The following RNGTT variants were observed in gnomAD, a reference collection of about 807,000 sequenced individuals.
RNGTT encodes mRNA-capping enzyme.
Under a neutral mutation model 79.3 loss-of-function variants are expected in RNGTT, and 33 were observed. The observed-to-expected ratio is 0.42, with a 90% CI of 0.32 to 0.56. The LOEUF is 0.56. RNGTT is among the 20% of genes least tolerant of loss of function. The pLI is 0.17. For missense variants in RNGTT, 497 were observed against 739.1 expected (o/e 0.67, Z 3.80); for synonymous variants, 222 against 235.9 (o/e 0.94, Z 0.54).
intron 1 of RNGTT, among the ~76,000 whole-genome samples, chr6:88,945,641 C>T (rs973085349): frequency 6.6e-6 from 1 of 152,126 alleles, no homozygotes; most frequent in African/African-American, 2.4e-5. Flanking sequence ...TTATCTATTG[C>T]CATGGTAGAA....
At chr6:88,882,645 T>C (rs1340182794) in intron 8 of RNGTT, among the ~76,000 whole-genome samples, 1 of 152,240 alleles carries the variant, frequency 6.6e-6, no homozygotes, top group Non-Finnish European at 1.5e-5. Context: ...AGTGCAACAG[T>C]ACTGAGAGAT....
At chr6:88,849,587 AAGAG>A (rs1352123931) in intron 10 of RNGTT, among the ~76,000 whole-genome samples, 164 bp downstream of exon 10, 2 of 152,066 alleles carry the variant, frequency 1.3e-5, no homozygotes, top group Admixed American at 6.5e-5. Context: ...AATTAACAAT[AAGAG>A]AAAGAAAAGG....
At chr6:88,849,305 GA>G (rs972447491) in intron 10 of RNGTT, among the ~76,000 whole-genome samples, 2 of 151,826 alleles carry the variant, frequency 1.3e-5, no homozygotes, top group Admixed American at 6.6e-5. Flanking sequence ...AAAATGTCCA[GA>G]AAAAAATGTC....
At chr6:88,929,993 T>C (rs1784447925) in intron 2 of RNGTT, among the ~76,000 whole-genome samples, 1 of 146,692 alleles carries the variant, frequency 6.8e-6, no homozygotes, top group African/African-American at 2.5e-5. Context: ...CATATACATG[T>C]ATACATATAT....
At chr6:88,776,370 A>G (rs1582447776) in intron 12 of RNGTT, among the ~76,000 whole-genome samples, 2 of 144,858 alleles carry the variant, frequency 1.4e-5, no homozygotes, top group African/African-American at 5.2e-5. Flanking sequence ...CCCAGGCTGG[A>G]GTGCAGTGGC....
At chr6:88,830,760 C>T (rs1780833899) in intron 11 of RNGTT, among the ~76,000 whole-genome samples, 1 of 152,122 alleles carries the variant, frequency 6.6e-6, no homozygotes, top group Non-Finnish European at 1.5e-5. Context: ...GGAGATATCA[C>T]CACCAATCCC....
chr6:88,929,010 A>C lies in RNGTT; in HGVS notation c.342T>G (p.Asn114Lys). 2 of 1,612,186 alleles carry C rather than the reference A, an allele frequency of 1.2e-6. No homozygotes were observed. The highest frequency in any genetic ancestry group is 1.7e-6 in the Non-Finnish European group (2 of 1,179,062). Residue 114 changes from asparagine to lysine, a missense_variant, in exon 4 of 16, where the codon AAT becomes AAG. Asn to Lys is a moderately conservative substitution (Grantham distance 94). Transcript: ENST00000369485. Reference protein sequence around the residue: ...ETFIRLCERFNERNPPELIGV... With the variant: ...ETFIRLCERFKERNPPELIGV... Reference sequence around the variant, plus strand: ...CTATAAGTTCAGGTGGATTTCTTTCATTAAACCGCTCACACAGACGAATAA... The same window carrying C: ...CTATAAGTTCAGGTGGATTTCTTTCCTTAAACCGCTCACACAGACGAATAA...
At chr6:88,867,503 G>A (rs1782213506) in intron 8 of RNGTT, among the ~76,000 whole-genome samples, 1 of 151,948 alleles carries the variant, frequency 6.6e-6, no homozygotes, top group Non-Finnish European at 1.5e-5. Context: ...AAGAGAGAGA[G>A]AGAATGAAAA....
chr6:88,790,190 G>A (rs1562254116), intron 12 of RNGTT, among the ~76,000 whole-genome samples: 1 of 152,160 alleles, frequency 6.6e-6, no homozygotes, highest in East Asian at 1.9e-4. Context: ...ATGCAAAGAA[G>A]GACGCCAATG....
chr6:88,904,890 A>C lies in RNGTT; in HGVS notation c.509T>G (p.Leu170Trp). The change falls in exon 6 of 16, where the codon TTG becomes TGG. Residue 170 changes from leucine to tryptophan, a missense_variant. By Grantham distance (61) the Leu-to-Trp change is moderately conservative. Around this residue, in one of 3 missense-constraint regions of RNGTT, gnomAD observed 440 missense variants for 671.5 expected, o/e 0.66. Coordinates refer to ENST00000369485, the MANE Select transcript of RNGTT (RefSeq NM_003800.5). ...RPPGIYKGDY[L>W]KELFRRYGDI... is the part of the protein sequence containing the mutation. ...ACCATACCGACGAAAAAGTTCCTTC[A>C]AATAATCACCCTTGTAGATTCCTGG... 2 of 1,614,108 alleles carry C rather than the reference A, an allele frequency of 1.2e-6. No individual in the cohort carries two copies. Among genetic ancestry groups the C allele is most frequent in the Non-Finnish European group, 1.7e-6 (2 of 1,180,024 alleles).
intron 2 of RNGTT, among the ~76,000 whole-genome samples, chr6:88,931,663 G>A (rs1374474713): frequency 3.3e-5 from 5 of 152,144 alleles, no homozygotes; most frequent in Non-Finnish European, 7.3e-5. Flanking sequence ...AGTAACCAAT[G>A]AAGAACAGTA....
intron 13 of RNGTT, among the ~76,000 whole-genome samples, chr6:88,708,142 A>T (rs757194082): frequency 1.3e-5 from 2 of 152,050 alleles, no homozygotes; most frequent in Admixed American, 6.6e-5. Context: ...GGCTGAAAAG[A>T]TTAGATTTTC....
At chr6:88,880,559 A>T (rs1422075911) in intron 8 of RNGTT, among the ~76,000 whole-genome samples, 1 of 152,194 alleles carries the variant, frequency 6.6e-6, no homozygotes, top group African/African-American at 2.4e-5. Flanking sequence ...TTGCAACCAT[A>T]GCACCAGCCC....
intron 13 of RNGTT, among the ~76,000 whole-genome samples, chr6:88,738,884 GAAGA>G (rs1039829180): frequency 8.1e-5 from 12 of 147,996 alleles, no homozygotes; most frequent in African/African-American, 2.7e-4. Context: ...TCCAAAACAG[GAAGA>G]AATAATGCAT....
chr6:88,871,354 T>G (rs1026530096), intron 8 of RNGTT, among the ~76,000 whole-genome samples: 7 of 139,060 alleles, frequency 5.0e-5, no homozygotes, highest in East Asian at 2.4e-4. Context: ...AATAGCAGAG[T>G]TTTTTTTTTT....
intron 1 of RNGTT, among the ~76,000 whole-genome samples, chr6:88,942,877 C>A (rs185427784): frequency 2.0e-5 from 3 of 152,312 alleles, no homozygotes; most frequent in Admixed American, 2.0e-4. Flanking sequence ...CATAAAACAA[C>A]TGGTCACTTT....
At chr6:88,873,710 T>C (rs1782425678) in intron 8 of RNGTT, among the ~76,000 whole-genome samples, 1 of 152,158 alleles carries the variant, frequency 6.6e-6, no homozygotes, top group Non-Finnish European at 1.5e-5. Context: ...CTACAATGAA[T>C]ACAAATGACT....
intron 13 of RNGTT, among the ~76,000 whole-genome samples, chr6:88,713,576 G>A (rs543385450): frequency 2.0e-4 from 31 of 152,126 alleles, no homozygotes; most frequent in African/African-American, 7.5e-4. Flanking sequence ...CTTATATTGT[G>A]TATGTATATA....
chr6:88,614,286 T>A lies in RNGTT; in HGVS notation c.1616A>T (p.Tyr539Phe). ...QRTDKSFPNA[Y>F]NTAMAVCNSI... ...GTCATACTCACCCATGGCAGTGTTG[T>A]AGGCATTAGGAAAACTTTTGTCTGT... is the stretch of plus-strand genomic sequence containing the variant. Residue 539 changes from tyrosine (Y) to phenylalanine (F), a missense_variant, in exon 15 of 16, where the codon TAC becomes TTC. By Grantham distance (22) the Tyr-to-Phe change is conservative. This residue lies in a region of RNGTT where 440 missense variants were observed against 671.5 expected (regional missense o/e 0.66). Coordinates refer to ENST00000369485, the MANE Select transcript of RNGTT (RefSeq NM_003800.5). 1 of 1,613,952 alleles carries A rather than the reference T, an allele frequency of 6.2e-7. No homozygotes were observed. Among genetic ancestry groups the A allele is most frequent in the Non-Finnish European group, 8.5e-7 (1 of 1,179,818 alleles).
Sources: gnomAD v4.1 joint callset for allele counts (sites outside exome capture counted in the v4.1 genomes callset) on GRCh38, gnomAD v4.1.1 for gene constraint, gnomAD v4.1.1 regional missense constraint, MANE v1.5 for transcripts, NCBI Gene and HGNC (gene_info 2026-07-23, HGNC 2026-07-21) for gene names.